UNC5D: variants seen among roughly 807,000 people sequenced by gnomAD.
The protein encoded by UNC5D is netrin receptor UNC5D.
A neutral mutation model predicts 105.4 loss-of-function variants in UNC5D; 39 were observed. That is an observed-to-expected ratio of 0.37 (90% CI 0.29 to 0.48). The LOEUF (loss-of-function observed/expected upper bound fraction) is 0.48, where lower values mean the gene tolerates loss of function less well. UNC5D is among the 20% of genes least tolerant of loss of function. The pLI, the probability that UNC5D is intolerant of heterozygous loss-of-function variation, is 0.98. For synonymous variants in UNC5D, 452 were observed against 450.4 expected (o/e 1.00, Z -0.04); for missense variants, 991 against 1,202.4 (o/e 0.82, Z 2.60).
chr8:35,403,400 T>C (rs1165934641), intron 1 of UNC5D, among the ~76,000 whole-genome samples: 1 of 152,140 alleles, frequency 6.6e-6, no homozygotes, highest in African/African-American at 2.4e-5. Flanking sequence ...CCCAAATCCA[T>C]TGTGATGCAT....
chr8:35,571,108 C>T (rs2130798019), intron 3 of UNC5D, among the ~76,000 whole-genome samples: 1 of 152,270 alleles, frequency 6.6e-6, no homozygotes, highest in African/African-American at 2.4e-5. Flanking sequence ...TCCTCAGCCT[C>T]CCAAAGTGCT....
In UNC5D at chr8:35,696,479, A is replaced by C. The variant is rs558200882; in HGVS notation, c.1085-9450A>C. On this transcript the variant is annotated intron_variant, in intron 7 of 16. Transcript: ENST00000404895. ...CAGCACAAAACCCCGGGTAAGAAATATTAGTCTGGACTAGAGAAAGATTTA... is the reference window on the plus strand; with the variant it reads ...CAGCACAAAACCCCGGGTAAGAAATCTTAGTCTGGACTAGAGAAAGATTTA... 1.4e-3 allele frequency among the ~76,000 whole-genome samples: 210 copies of C among 152,172 alleles called. 1 individual carries two copies. Among genetic ancestry groups the C allele is most frequent in the Non-Finnish European group, 2.6e-3 (177 of 67,992 alleles).
chr8:35,682,802 C>T (rs1158320082), intron 4 of UNC5D, among the ~76,000 whole-genome samples: 1 of 152,162 alleles, frequency 6.6e-6, no homozygotes, highest in East Asian at 1.9e-4. Context: ...AAAATAGGTT[C>T]TTCAGCATCT....
chr8:35,256,967 T>G lies in UNC5D; in HGVS notation c.103+21080T>G, dbSNP rs542200348. 1.0e-3 allele frequency among the ~76,000 whole-genome samples: 156 copies of G among 150,266 alleles called. 1 individual carries two copies. The highest frequency in any genetic ancestry group is 2.7e-4 in the Non-Finnish European group (18 of 67,922). On this transcript the variant is annotated intron_variant, in intron 1 of 16. Coordinates refer to ENST00000404895, the MANE Select transcript of UNC5D (RefSeq NM_080872.4). ...TCTCCTGCTCTTTTTTTGTTTTTTT[T>G]TTTTTTTTGTTTTTTGTTTTTTTTT...
At chr8:35,285,616 A>G (rs923859661) in intron 1 of UNC5D, among the ~76,000 whole-genome samples, 1 of 152,174 alleles carries the variant, frequency 6.6e-6, no homozygotes, top group African/African-American at 2.4e-5. Flanking sequence ...AGAAAAAACA[A>G]TTTGTTTTTC....
chr8:35,354,345 C>A (rs1801433561), intron 1 of UNC5D, among the ~76,000 whole-genome samples: 1 of 152,000 alleles, frequency 6.6e-6, no homozygotes, highest in Non-Finnish European at 1.5e-5. Flanking sequence ...CATTGAGAAA[C>A]CTCAGGGGAG....
intron 3 of UNC5D, among the ~76,000 whole-genome samples, chr8:35,582,338 AG>A (rs1229854887): frequency 5.9e-5 from 9 of 152,304 alleles, no homozygotes; most frequent in African/African-American, 2.2e-4. Context: ...CTTTCTTGTC[AG>A]TTCTTCATAG....
intron 4 of UNC5D, among the ~76,000 whole-genome samples, chr8:35,629,494 A>C (rs1439312935): frequency 6.6e-6 from 1 of 152,152 alleles, no homozygotes; most frequent in Non-Finnish European, 1.5e-5. Context: ...GCTAAACATA[A>C]GGTATTCATG....
chr8:35,310,877 C>T (rs1808825465), intron 1 of UNC5D, among the ~76,000 whole-genome samples: 1 of 152,042 alleles, frequency 6.6e-6, no homozygotes, highest in African/African-American at 2.4e-5. Flanking sequence ...TATATGAATA[C>T]CTGGGGAACA....
intron 7 of UNC5D, among the ~76,000 whole-genome samples, chr8:35,695,095 A>G (rs530034749): frequency 6.6e-6 from 1 of 152,310 alleles, no homozygotes; most frequent in East Asian, 1.9e-4. Context: ...TATACAAACT[A>G]TTTTTGAGCA....
chr8:35,591,379 T>C (rs1312827414), intron 3 of UNC5D, among the ~76,000 whole-genome samples: 1 of 152,216 alleles, frequency 6.6e-6, no homozygotes, highest in East Asian at 1.9e-4. Context: ...AAAATACTTG[T>C]AAATTTACTT....
intron 4 of UNC5D, among the ~76,000 whole-genome samples, chr8:35,673,886 A>T (rs1337270121): frequency 6.6e-6 from 1 of 152,216 alleles, no homozygotes; most frequent in Non-Finnish European, 1.5e-5. Context: ...TCGCCACAGC[A>T]GGACTTCATG....
At chr8:35,783,709 G>A (rs1802612052) in intron 16 of UNC5D, among the ~76,000 whole-genome samples, 1 of 152,086 alleles carries the variant, frequency 6.6e-6, no homozygotes. Context: ...GAATACTCAG[G>A]GATTTGGGAA....
intron 1 of UNC5D, among the ~76,000 whole-genome samples, chr8:35,464,513 A>G (rs1585903210): frequency 6.6e-6 from 1 of 152,200 alleles, no homozygotes; most frequent in African/African-American, 2.4e-5. Context: ...ATTGTAAGTC[A>G]TCTTTGCTGA....
intron 4 of UNC5D, among the ~76,000 whole-genome samples, chr8:35,624,282 T>A (rs1161337526): frequency 6.6e-6 from 1 of 152,174 alleles, no homozygotes; most frequent in African/African-American, 2.4e-5. Flanking sequence ...ATCTCTTTAG[T>A]TCTTTAATCA....
intron 4 of UNC5D, among the ~76,000 whole-genome samples, chr8:35,633,791 C>G (rs1053160719): frequency 2.0e-5 from 3 of 152,034 alleles, no homozygotes; most frequent in Non-Finnish European, 2.9e-5. Context: ...GTTTCCAGGA[C>G]CTAATACAAA....
intron 1 of UNC5D, among the ~76,000 whole-genome samples, chr8:35,401,335 T>A (rs966626582): frequency 2.0e-5 from 3 of 151,988 alleles, no homozygotes; most frequent in Non-Finnish European, 4.4e-5. Context: ...AATATAAAAA[T>A]TAGCCGGGCA....
At chr8:35,575,261 A>G (rs146399232) in intron 3 of UNC5D, among the ~76,000 whole-genome samples, 4 of 152,262 alleles carry the variant, frequency 2.6e-5, no homozygotes, top group African/African-American at 9.6e-5. Flanking sequence ...CTAGTACACA[A>G]TCATGTATAT....
At position 35,716,139 on chromosome 8, in the gene UNC5D, G is replaced by T. The variant is rs187568533; in HGVS notation, c.1118-6071G>T. On this transcript the variant is annotated intron_variant, in intron 8 of 16. Coordinates refer to ENST00000404895, the MANE Select transcript of UNC5D (RefSeq NM_080872.4). ...GAGCAGAGAGGAGACGCAAGGAAGA[G>T]ACACCGTGTCATAAGCAGCTTGGGA... Among the ~76,000 whole-genome samples, 635 of 152,272 alleles carry T rather than the reference G, an allele frequency of 4.2e-3. 15 individuals carry two copies. The highest frequency in any genetic ancestry group is 0.028 in the Admixed American group (427 of 15,284).
Sources: allele counts gnomAD v4.1 joint callset (sites outside exome capture counted in the v4.1 genomes callset), GRCh38; gene constraint gnomAD v4.1.1; transcripts MANE v1.5; gene names NCBI Gene and HGNC (gene_info 2026-07-23, HGNC 2026-07-21).